The following LRFN2 variants were observed in gnomAD, a reference collection of about 807,000 sequenced individuals.
The protein encoded by LRFN2 is leucine rich repeat and fibronectin type III domain containing 2.
LRFN2 carries 18 observed loss-of-function variants against 37.3 expected under a neutral mutation model. That is an observed-to-expected ratio of 0.48 (90% CI 0.33 to 0.72). The LOEUF is 0.72. Among genes scored for constraint, LRFN2 ranks in the 30% least tolerant of loss-of-function variants. The pLI is 0.02. For missense variants in LRFN2, 1,006 were observed against 1,060.7 expected (o/e 0.95, Z 0.72); for synonymous variants, 556 against 466.6 (o/e 1.19, Z -2.47).
chr6:40,510,774 T>C (rs374145761), intron 1 of LRFN2, among the ~76,000 whole-genome samples: 2 of 152,348 alleles, frequency 1.3e-5, no homozygotes, highest in African/African-American at 4.8e-5. Context: ...TGCCTATTCA[T>C]GCCCAGCCCT....
intron 1 of LRFN2, among the ~76,000 whole-genome samples, chr6:40,451,606 G>A (rs1764110436): frequency 6.6e-6 from 1 of 152,172 alleles, no homozygotes; most frequent in Admixed American, 6.5e-5. Flanking sequence ...GCCTGTGTTG[G>A]GGAGAGCAGA....
intron 1 of LRFN2, among the ~76,000 whole-genome samples, chr6:40,439,297 G>C (rs193191694): frequency 6.6e-6 from 1 of 152,270 alleles, no homozygotes; most frequent in Non-Finnish European, 1.5e-5. Context: ...GGGTGCTCCA[G>C]GCCTGGAAAG....
chr6:40,406,260 A>G (rs1034544117), intron 2 of LRFN2, among the ~76,000 whole-genome samples: 16 of 152,200 alleles, frequency 1.1e-4, no homozygotes, highest in Non-Finnish European at 2.4e-4. Flanking sequence ...CCTTGTCCCT[A>G]GTGAGTGCTT....
intron 2 of LRFN2, among the ~76,000 whole-genome samples, chr6:40,409,368 C>T (rs1295185811): frequency 6.6e-6 from 1 of 152,184 alleles, no homozygotes; most frequent in Non-Finnish European, 1.5e-5. Context: ...CTCGCCTTCA[C>T]AGTTTTCTCA....
chr6:40,426,157 A>G (rs1245364577), intron 2 of LRFN2, among the ~76,000 whole-genome samples: 1 of 152,194 alleles, frequency 6.6e-6, no homozygotes, highest in Non-Finnish European at 1.5e-5. Context: ...AAAGTAGGTG[A>G]ATTTAGCAAC....
At chr6:40,478,094 G>A (rs1284355762) in intron 1 of LRFN2, among the ~76,000 whole-genome samples, 1 of 152,138 alleles carries the variant, frequency 6.6e-6, no homozygotes, top group East Asian at 1.9e-4. Flanking sequence ...GGGATGTAAT[G>A]TCCTGTCCCC....
chr6:40,575,064 G>A (rs531455089), intron 1 of LRFN2, among the ~76,000 whole-genome samples: 159 of 152,324 alleles, frequency 1.0e-3, no homozygotes, highest in Admixed American at 2.0e-3. Context: ...AAGTGAGGAT[G>A]TGAGGATCTG....
intron 1 of LRFN2, among the ~76,000 whole-genome samples, chr6:40,459,561 C>G (rs1581722485): frequency 6.6e-6 from 1 of 152,194 alleles, no homozygotes; most frequent in Admixed American, 6.5e-5. Context: ...CTGTCCTCCC[C>G]TCTCATCTCT....
intron 1 of LRFN2, among the ~76,000 whole-genome samples, chr6:40,482,914 C>T (rs192358931): frequency 7.2e-5 from 11 of 152,320 alleles, no homozygotes; most frequent in African/African-American, 2.4e-4. Flanking sequence ...ACTAGGGCGC[C>T]TAAGGGGCTG....
Position 40,392,793 on chromosome 6 carries a change from A to G in LRFN2, c.1520T>C (p.Ile507Thr). 8.7e-6 allele frequency: 14 copies of G among 1,614,108 alleles called. No individual in the cohort carries two copies. The highest frequency in any genetic ancestry group is 9.3e-6 in the Non-Finnish European group (11 of 1,180,000). ...GGTGAAGAACTGGGCGCAGCCCACG[A>G]TGTTGGTGGCCGTGAGTGTCGTGGC... is the stretch of plus-strand genomic sequence containing the variant. ...DTATTLTATN[I>T]VGCAQFFTKA... The change falls in exon 3 of 3, where the codon ATC becomes ACC. Residue 507 changes from isoleucine to threonine, a missense_variant. Around this residue, in one of 4 missense-constraint regions of LRFN2, gnomAD observed 120 missense variants for 178.4 expected, o/e 0.67. Coordinates refer to ENST00000338305, the MANE Select transcript of LRFN2 (RefSeq NM_020737.3). This position sits in a 1 kb window ranked among gnomAD's most constrained non-coding sequence, Gnocchi z 4.7.
intron 1 of LRFN2, among the ~76,000 whole-genome samples, chr6:40,494,106 A>G (rs1765164400): frequency 6.6e-6 from 1 of 152,242 alleles, no homozygotes; most frequent in Admixed American, 6.5e-5. Flanking sequence ...AATCTTAGGG[A>G]AAAACAACAC....
chr6:40,520,952 A>G (rs1766045800), intron 1 of LRFN2, among the ~76,000 whole-genome samples: 1 of 152,138 alleles, frequency 6.6e-6, no homozygotes, highest in Non-Finnish European at 1.5e-5. Context: ...TAGAGGACCA[A>G]TGACATACGC....
chr6:40,477,170 A>G (rs140520897), intron 1 of LRFN2, among the ~76,000 whole-genome samples: 1 of 152,288 alleles, frequency 6.6e-6, no homozygotes, highest in African/African-American at 2.4e-5. Context: ...TATTTTGGAT[A>G]TTTTTTAAAA....
rs116285623 is a variant in LRFN2, at chr6:40,542,233, G to A, written c.-19+44708C>T. Among the ~76,000 whole-genome samples, 1,162 of 152,284 alleles carry A rather than the reference G, an allele frequency of 7.6e-3. 12 individuals are homozygous for A. The highest frequency in any genetic ancestry group is 0.034 in the Middle Eastern group (10 of 294). On this transcript the variant is annotated intron_variant, in intron 1 of 2. Coordinates refer to ENST00000338305, the MANE Select transcript of LRFN2 (RefSeq NM_020737.3). Reference sequence around the variant, plus strand: ...CCAGGGGAAGCCTCACACACCCTGCGATGAGCTTTCTGGGCCCCTGGGTGA... The same window carrying A: ...CCAGGGGAAGCCTCACACACCCTGCAATGAGCTTTCTGGGCCCCTGGGTGA...
chr6:40,517,337 A>G (rs1232798350), intron 1 of LRFN2: 1 of 152,210 alleles, frequency 6.6e-6, no homozygotes, highest in East Asian at 1.9e-4. Flanking sequence ...TATGATTCCT[A>G]GGTGGAGGGC....
chr6:40,514,847 T>C (rs1169308119), intron 1 of LRFN2, among the ~76,000 whole-genome samples: 1 of 152,218 alleles, frequency 6.6e-6, no homozygotes, highest in African/African-American at 2.4e-5. Flanking sequence ...GGGAAAATGC[T>C]GTCAAACAGT....
At chr6:40,568,817 G>A (rs1027982313) in intron 1 of LRFN2, among the ~76,000 whole-genome samples, 1 of 151,860 alleles carries the variant, frequency 6.6e-6, no homozygotes, top group African/African-American at 2.4e-5. Flanking sequence ...CGCCTCCTGG[G>A]TTCAAGTGAT....
chr6:40,490,482 A>T (rs2113869409), intron 1 of LRFN2, among the ~76,000 whole-genome samples: 1 of 152,272 alleles, frequency 6.6e-6, no homozygotes, highest in East Asian at 1.9e-4. Context: ...ACCTGTGGCT[A>T]TCCTGCAGAA....
At chr6:40,487,848 C>A (rs1765001127) in intron 1 of LRFN2, among the ~76,000 whole-genome samples, 1 of 152,234 alleles carries the variant, frequency 6.6e-6, no homozygotes, top group African/African-American at 2.4e-5. Context: ...CCAAATCCTA[C>A]TTTTTCTCTG....
Sources: gnomAD v4.1 joint callset for allele counts (sites outside exome capture counted in the v4.1 genomes callset) on GRCh38, gnomAD v4.1.1 for gene constraint, gnomAD v4.1.1 regional missense constraint, Gnocchi (gnomAD v3.1) non-coding constraint, MANE v1.5 for transcripts, NCBI Gene and HGNC (gene_info 2026-07-23, HGNC 2026-07-21) for gene names.